DCC: variants seen among roughly 807,000 people sequenced by gnomAD.
The protein encoded by DCC is netrin receptor DCC.
Under a neutral mutation model 172.5 loss-of-function variants are expected in DCC, and 58 were observed. The observed-to-expected ratio is 0.34, with a 90% confidence interval of 0.27 to 0.42. The LOEUF (loss-of-function observed/expected upper bound fraction) is 0.42. Among genes scored for constraint, DCC ranks in the 10% least tolerant of loss-of-function variants. The pLI is 1.00. For synonymous variants in DCC, 709 were observed against 644.5 expected (o/e 1.10, Z -1.52); for missense variants, 1,740 against 1,791.0 (o/e 0.97, Z 0.51).
intron 5 of DCC, among the ~76,000 whole-genome samples, chr18:52,988,733 A>G (rs760696859): frequency 1.3e-5 from 2 of 152,176 alleles, no homozygotes; most frequent in South Asian, 2.1e-4. Flanking sequence ...TGACTTATGT[A>G]TGATGAAATT....
At position 52,540,553 on chromosome 18, in the gene DCC, C is replaced by T. The variant is rs544935678; in HGVS notation, c.91+199675C>T. Reference sequence around the variant, plus strand: ...ATTCAGTATAGTTACTGTTATTTCTCGAAATAAATGTGTTATTCACTACCG... The same window carrying T: ...ATTCAGTATAGTTACTGTTATTTCTTGAAATAAATGTGTTATTCACTACCG... On this transcript the variant is annotated intron_variant, in intron 1 of 28. Coordinates refer to ENST00000442544, the MANE Select transcript of DCC (RefSeq NM_005215.4). Among the ~76,000 whole-genome samples, 21 of 143,966 alleles carry T rather than the reference C, an allele frequency of 1.5e-4. No individual in the cohort carries two copies. In the East Asian group the frequency reaches 3.6e-3, roughly 25 times the overall value. 94.4% of individuals were successfully genotyped at this position (143,966 alleles called of 152,430 possible).
chr18:52,827,964 GT>G (rs376784709), intron 2 of DCC, among the ~76,000 whole-genome samples: 84 of 147,448 alleles, frequency 5.7e-4, no homozygotes, highest in East Asian at 2.8e-3. Context: ...TATAGTAGTA[GT>G]TTTTTTTTTT....
intron 5 of DCC, among the ~76,000 whole-genome samples, chr18:52,991,892 A>G (rs1260750616): frequency 6.6e-6 from 1 of 152,200 alleles, no homozygotes; most frequent in African/African-American, 2.4e-5. Context: ...ATATGTTACC[A>G]TTTCTTCTAT....
chr18:52,663,292 G>A (rs1280546208), intron 1 of DCC, among the ~76,000 whole-genome samples: 1 of 152,168 alleles, frequency 6.6e-6, no homozygotes, highest in Non-Finnish European at 1.5e-5. Flanking sequence ...AACCAATAAA[G>A]AGGAAGACTC....
At chr18:52,785,208 A>G (rs2037633145) in intron 2 of DCC, among the ~76,000 whole-genome samples, 2 of 151,998 alleles carry the variant, frequency 1.3e-5, no homozygotes, top group African/African-American at 2.4e-5. Flanking sequence ...TACTGTGCAC[A>G]TGGCTGACAA....
At chr18:52,703,921 G>A (rs2036166277) in intron 1 of DCC, among the ~76,000 whole-genome samples, 1 of 152,056 alleles carries the variant, frequency 6.6e-6, no homozygotes, top group Non-Finnish European at 1.5e-5. Context: ...GAATCCAGGG[G>A]ATCTGATTTT....
At chr18:52,463,717 C>T (rs560260169) in intron 1 of DCC, among the ~76,000 whole-genome samples, 1 of 152,264 alleles carries the variant, frequency 6.6e-6, no homozygotes, top group African/African-American at 2.4e-5. Flanking sequence ...CACTCTGTTC[C>T]AGTCACTGTA....
intron 2 of DCC, among the ~76,000 whole-genome samples, chr18:52,827,689 A>C (rs28719994): frequency 0.26 from 39,708 of 152,194 alleles, 5,299 homozygotes; most frequent in South Asian, 0.3. Context: ...TACTATTTGC[A>C]GACAATGGCA....
chr18:52,364,706 C>G (rs1376154658), intron 1 of DCC, among the ~76,000 whole-genome samples: 1 of 152,202 alleles, frequency 6.6e-6, no homozygotes, highest in African/African-American at 2.4e-5. Context: ...CTGTTCTACT[C>G]TTCTCACCTG....
At chr18:52,895,586 AAG>A (rs2039716789) in intron 2 of DCC, among the ~76,000 whole-genome samples, 1 of 152,230 alleles carries the variant, frequency 6.6e-6, no homozygotes. Flanking sequence ...CATTTAAAAA[AAG>A]TTTATTAACA....
chr18:52,558,097 A>G (rs1220656213), intron 1 of DCC, among the ~76,000 whole-genome samples: 2 of 152,236 alleles, frequency 1.3e-5, no homozygotes, highest in South Asian at 2.1e-4. Context: ...ACAAACTTTT[A>G]ATAATTAGCA....
chr18:53,058,160 A>G (rs1230926979), intron 5 of DCC, among the ~76,000 whole-genome samples: 1 of 152,162 alleles, frequency 6.6e-6, no homozygotes, highest in Non-Finnish European at 1.5e-5. Context: ...CAGTTTTTCT[A>G]TCTGTAAAAT....
intron 27 of DCC, among the ~76,000 whole-genome samples, chr18:53,509,614 G>T (rs781701329): frequency 1.1e-4 from 17 of 152,224 alleles, no homozygotes; most frequent in Non-Finnish European, 2.1e-4. Flanking sequence ...TGTGGGTTTG[G>T]TAACTCACTT....
intron 8 of DCC, among the ~76,000 whole-genome samples, chr18:53,172,182 T>C (rs1468070418): frequency 6.6e-6 from 1 of 152,114 alleles, no homozygotes; most frequent in Non-Finnish European, 1.5e-5. Flanking sequence ...AACACGGATG[T>C]AGTTGGAGGC....
At chr18:53,450,338 G>C (rs1042167742) in intron 22 of DCC, among the ~76,000 whole-genome samples, 162 bp from the exon 23 acceptor site, 1 of 151,894 alleles carries the variant, frequency 6.6e-6, no homozygotes, top group South Asian at 2.1e-4. Context: ...GTGTAAATAG[G>C]TGTTTCCTCT....
chr18:53,208,760 C>T (rs985957692), intron 11 of DCC, among the ~76,000 whole-genome samples: 10 of 152,142 alleles, frequency 6.6e-5, no homozygotes, highest in Admixed American at 2.0e-4. Context: ...AACGGAGTCT[C>T]GCTCTGTCAC....
In DCC at chr18:53,529,024, TCTCTCTCTCTCTCTCACACACACACACA is replaced by T. The variant is rs1373466350; in HGVS notation, c.4255-1538_4255-1511del. ...CAACTTCTCTCTCTCTCTCTCTCTCTCTCTCTCTCTCTCTCACACACACACACACACACACACACACACACACACACAC... is the reference window on the plus strand; with the variant it reads ...CAACTTCTCTCTCTCTCTCTCTCTCTCACACACACACACACACACACACAC... On this transcript the variant is annotated intron_variant, in intron 28 of 28. Coordinates refer to ENST00000442544, the MANE Select transcript of DCC (RefSeq NM_005215.4). Among the ~76,000 whole-genome samples the T allele has an allele frequency of 1.3e-3, 105 of 83,068 alleles. 2 individuals carry two copies. Among genetic ancestry groups the T allele is most frequent in the African/African-American group, 3.8e-3 (105 of 27,998 alleles). 54.5% of individuals were successfully genotyped at this position (83,068 alleles called of 152,430 possible).
At chr18:53,264,469 TC>T (rs1360551495) in intron 12 of DCC, among the ~76,000 whole-genome samples, 1 of 98,318 alleles carries the variant, frequency 1.0e-5, no homozygotes, top group Non-Finnish European at 2.0e-5. Flanking sequence ...CGAGCAAAAC[TC>T]CGTCTCAAAA....
At chr18:53,427,916 ATATAATATATAATATAATATAATATAT>A (rs1414428249) in intron 21 of DCC, among the ~76,000 whole-genome samples, 4 of 38,240 alleles carry the variant, frequency 1.0e-4, no homozygotes, top group East Asian at 4.2e-4. Flanking sequence ...ATATATAATA[ATATAATATATAATATAATATAATATAT>A]TATAATATAT....
Sources: gnomAD v4.1 joint callset for allele counts (sites outside exome capture counted in the v4.1 genomes callset) on GRCh38, gnomAD v4.1.1 for gene constraint, MANE v1.5 for transcripts, NCBI Gene and HGNC (gene_info 2026-07-23, HGNC 2026-07-21) for gene names.